The following PDCD11 variants were observed in gnomAD, a reference collection of about 807,000 sequenced individuals.
PDCD11 encodes programmed cell death 11, also known as protein RRP5 homolog.
A neutral mutation model predicts 198.9 loss-of-function variants in PDCD11; 97 were observed. That is an observed-to-expected ratio of 0.49 (90% CI 0.41 to 0.58). PDCD11 has a LOEUF of 0.58. Among genes scored for constraint, PDCD11 ranks in the 20% least tolerant of loss-of-function variants. The pLI, the probability that PDCD11 is intolerant of heterozygous loss-of-function variation, is 0.00. For synonymous variants in PDCD11, 893 were observed against 918.0 expected (o/e 0.97, Z 0.49); for missense variants, 2,102 against 2,312.7 (o/e 0.91, Z 1.87).
rs138280588 is a variant in PDCD11 at position 103,419,629 on chromosome 10, T to C, written c.2198T>C (p.Ile733Thr). Residue 733 changes from isoleucine to threonine, a missense_variant, in exon 16 of 36, where the codon ATT becomes ACT. Coordinates refer to ENST00000369797, the MANE Select transcript of PDCD11 (RefSeq NM_014976.2). ...FSEIHPGMLLIGFVKSIKDYG... is the reference protein window; with the variant it reads ...FSEIHPGMLLTGFVKSIKDYG... ...GAAATCCATCCTGGAATGCTGCTCA[T>C]TGGTTTTGTGAAGAGCATCAAGGAC... The C allele has an allele frequency of 4.2e-4, 671 of 1,614,104 alleles. 1 individual carries two copies. Among genetic ancestry groups the C allele is most frequent in the Middle Eastern group, 2.3e-3 (14 of 6,060 alleles).
chr10:103,439,470 C>T (rs952096336), intron 27 of PDCD11, among the ~76,000 whole-genome samples: 4 of 152,208 alleles, frequency 2.6e-5, no homozygotes, highest in African/African-American at 7.2e-5. Context: ...GCAGCCTTCC[C>T]TGCCATGCTG....
At chr10:103,445,258 T>C (rs934039065) in intron 35 of PDCD11, 120 bp from the exon 36 acceptor site, 2 of 825,496 alleles carry the variant, frequency 2.4e-6, no homozygotes, top group African/African-American at 3.4e-5. Flanking sequence ...ATGGTAGAAG[T>C]GGGAGTCCTG....
At chr10:103,412,514 G>T (rs761720110) in intron 8 of PDCD11, among the ~76,000 whole-genome samples, 10 of 152,150 alleles carry the variant, frequency 6.6e-5, no homozygotes, top group Non-Finnish European at 8.8e-5. Context: ...TAGAGACGGG[G>T]TTTCACTGTG....
At chr10:103,442,577 A>G in intron 32 of PDCD11, 117 bp downstream of exon 32, 1 of 1,114,372 alleles carries the variant, frequency 9.0e-7, no homozygotes, top group Non-Finnish European at 1.3e-6. Flanking sequence ...GGCTGCCACC[A>G]GGGGCCCATG....
chr10:103,429,368 G>T (rs1299525646), intron 21 of PDCD11, among the ~76,000 whole-genome samples: 1 of 152,090 alleles, frequency 6.6e-6, no homozygotes, highest in Admixed American at 6.6e-5. Context: ...ATCACTTCAG[G>T]AAAAGAACAA....
At chr10:103,409,246 C>A (rs911371076) in intron 7 of PDCD11, among the ~76,000 whole-genome samples, 2 of 152,016 alleles carry the variant, frequency 1.3e-5, no homozygotes, top group African/African-American at 4.8e-5. Context: ...TGTTACTTTT[C>A]GCTTTTTGGT....
Position 103,445,486 on chromosome 10 carries a change from G to T in PDCD11, c.5553G>T (p.Val1851=), listed in dbSNP as rs371657618. 33 of 1,614,068 alleles carry T rather than the reference G, an allele frequency of 2.0e-5. No individual in the cohort carries two copies. The highest frequency in any genetic ancestry group is 8.3e-5 in the Admixed American group (5 of 60,012). ...AGCAGCATGGCACTGAGAAGGATGT[G>T]CAGGCAGTCAAGGCCAAGGCCCTGG... ...YEKQHGTEKD[V]QAVKAKALEY... The change falls in exon 36 of 36, where the codon GTG becomes GTT. Residue 1851 remains valine (V), a synonymous_variant. Coordinates refer to ENST00000369797, the MANE Select transcript of PDCD11 (RefSeq NM_014976.2).
In PDCD11 at chr10:103,438,800, G is replaced by A. The variant is rs2032258343; in HGVS notation, c.4017G>A (p.Val1339=). 2.5e-6 allele frequency: 4 copies of A among 1,613,992 alleles called. No individual in the cohort carries two copies. The highest frequency in any genetic ancestry group is 1.1e-5 in the South Asian group (1 of 91,064). ...GYVGSIQPHG[V]FFRLGPSVVG... The stretch of plus-strand genomic sequence containing the variant: ...TAGGGTCCATCCAGCCACACGGTGT[G>A]TTCTTTCGGTGAGTGAGGGGGGCTC... The change falls in exon 27 of 36, where the codon GTG becomes GTA. Residue 1339 remains valine (V), a synonymous_variant. Coordinates refer to ENST00000369797, the MANE Select transcript of PDCD11 (RefSeq NM_014976.2).
At chr10:103,398,357 C>T in intron 1 of PDCD11, 59 bp from the exon 2 acceptor site, 1 of 1,039,376 alleles carries the variant, frequency 9.6e-7, no homozygotes, top group South Asian at 1.3e-5. Context: ...GTTGATAACA[C>T]CTTTCTGAAA....
intron 7 of PDCD11, among the ~76,000 whole-genome samples, chr10:103,407,128 TC>T (rs1322843136): frequency 1.3e-5 from 2 of 152,218 alleles, no homozygotes; most frequent in African/African-American, 4.8e-5. Flanking sequence ...GAAGAACTTA[TC>T]CGTCATAACC....
At chr10:103,439,677 G>T in intron 27 of PDCD11, 69 bp from the exon 28 acceptor site, 5 of 1,590,998 alleles carry the variant, frequency 3.1e-6, no homozygotes, top group Non-Finnish European at 4.3e-6. Context: ...TGAGAGTGAA[G>T]TCCCGAGGCC....
intron 21 of PDCD11, among the ~76,000 whole-genome samples, chr10:103,430,673 G>T (rs536168286): frequency 2.7e-5 from 4 of 150,852 alleles, no homozygotes; most frequent in African/African-American, 9.8e-5. Flanking sequence ...TCCTGCCGGG[G>T]TAAGGTGATA....
chr10:103,432,514 A>G (rs1210785156), intron 22 of PDCD11, among the ~76,000 whole-genome samples: 2 of 152,240 alleles, frequency 1.3e-5, no homozygotes, highest in Non-Finnish European at 2.9e-5. Flanking sequence ...TTTAGAATAT[A>G]AATGTATATA....
intron 17 of PDCD11, 23 bp downstream of exon 17, chr10:103,421,590 G>C (rs1478115204): frequency 6.6e-7 from 1 of 1,511,230 alleles, no homozygotes; most frequent in South Asian, 1.2e-5. Context: ...TGGGGCAGGG[G>C]AGGTGGGCCA....
chr10:103,415,830 CA>C (rs1272502796), intron 12 of PDCD11, among the ~76,000 whole-genome samples: 1 of 152,190 alleles, frequency 6.6e-6, no homozygotes, highest in African/African-American at 2.4e-5. Context: ...TGATTTATGA[CA>C]AAGGCTCGAA....
At chr10:103,429,627 T>C (rs1326704706) in intron 21 of PDCD11, among the ~76,000 whole-genome samples, 1 of 152,128 alleles carries the variant, frequency 6.6e-6, no homozygotes, top group Non-Finnish European at 1.5e-5. Flanking sequence ...AGTAAAAAAT[T>C]ACTGTAATTT....
At chr10:103,408,444 G>A (rs2030593580) in intron 7 of PDCD11, among the ~76,000 whole-genome samples, 1 of 152,104 alleles carries the variant, frequency 6.6e-6, no homozygotes, top group African/African-American at 2.4e-5. Context: ...TGTTTAGATT[G>A]CCATATGATG....
rs1432644439 is a variant in PDCD11, at chr10:103,413,902, G to A, written c.1186-64G>A. 6 of 1,493,706 alleles carry A rather than the reference G, an allele frequency of 4.0e-6. No homozygotes were observed. The African/African-American group carries it at 8.4e-5, about 21-fold the overall frequency. 92.5% of individuals were successfully genotyped at this position (1,493,706 alleles called of 1,614,324 possible). On this transcript the variant is annotated intron_variant, in intron 9 of 35. Transcript: ENST00000369797. ...AAGTGTTGAGTCCTCTCTATGGGCT[G>A]TAAGGTCTCATTGGCTCAGACCTGT...
In PDCD11 at chr10:103,425,000, A is replaced by G; in HGVS notation, c.2780A>G (p.Glu927Gly). The G allele has an allele frequency of 6.2e-7, 1 of 1,614,136 alleles. No homozygotes were observed. The change falls in exon 20 of 36, where the codon GAA becomes GGA. Residue 927 changes from glutamate to glycine, a missense_variant. By Grantham distance (98) the Glu-to-Gly change is moderately conservative. Coordinates refer to ENST00000369797, the MANE Select transcript of PDCD11 (RefSeq NM_014976.2). ...RKARKLRKGS[E>G]HQAIVQHLEK... ...CTCTTCTAGCTGAGGAAAGGCAGCG[A>G]ACACCAGGCGATTGTGCAGCACTTG...
Sources: allele counts gnomAD v4.1 joint callset (sites outside exome capture counted in the v4.1 genomes callset), GRCh38; gene constraint gnomAD v4.1.1; transcripts MANE v1.5; gene names NCBI Gene and HGNC (gene_info 2026-07-23, HGNC 2026-07-21).